Variants in PCDH7 observed in about 807,000 individuals in gnomAD.
PCDH7 encodes the protein protocadherin-7.
In PCDH7, 17 loss-of-function variants were observed where a neutral mutation model predicts 58.9. The observed-to-expected ratio is 0.29, with a 90% CI of 0.20 to 0.43. PCDH7 has a LOEUF of 0.43. PCDH7 is among the 20% of genes least tolerant of loss of function. The pLI is 1.00. For synonymous variants in PCDH7, 664 were observed against 616.4 expected (o/e 1.08, Z -1.14); for missense variants, 1,274 against 1,441.0 (o/e 0.88, Z 1.88).
At chr4:31,135,428 T>C (rs1292041128) in intron 3 of PCDH7, among the ~76,000 whole-genome samples, 2 of 152,218 alleles carry the variant, frequency 1.3e-5, no homozygotes, top group Non-Finnish European at 2.9e-5. Context: ...AGTAGGAGGA[T>C]GCCTAATGTG....
chr4:31,004,295 A>C (rs551394640), intron 3 of PCDH7, among the ~76,000 whole-genome samples: 2 of 152,334 alleles, frequency 1.3e-5, no homozygotes, highest in South Asian at 4.1e-4. Context: ...GCCTGAAAAA[A>C]AGTCACAGGA....
Position 30,837,263 on chromosome 4 carries a change from T to G in PCDH7, c.71-82890T>G, listed in dbSNP as rs117597852. Among the ~76,000 whole-genome samples, 242 of 152,206 alleles carry G rather than the reference T, an allele frequency of 1.6e-3. 4 individuals are homozygous for G. The East Asian group carries it at 0.036, about 23-fold the overall frequency. ...GTTCCTGCTGGCCACCTGCAGTGTG[T>G]GGTAATGCCCTTTTAACGTTCTATC... On this transcript the variant is annotated intron_variant, in intron 1 of 3. Coordinates refer to the PCDH7 transcript ENST00000509759.
intron 1 of PCDH7, among the ~76,000 whole-genome samples, chr4:30,856,497 G>A (rs1359313312): frequency 6.6e-6 from 1 of 151,988 alleles, no homozygotes; most frequent in Non-Finnish European, 1.5e-5. Context: ...AAGCTTAGAA[G>A]TCAGATATTA....
chr4:30,844,560 G>A (rs1299643479), intron 1 of PCDH7, among the ~76,000 whole-genome samples: 1 of 152,054 alleles, frequency 6.6e-6, no homozygotes, highest in Admixed American at 6.6e-5. Context: ...CATTTCTAAG[G>A]TAGGTACAGA....
chr4:30,832,934 T>A (rs1183548630), intron 1 of PCDH7, among the ~76,000 whole-genome samples: 1 of 152,176 alleles, frequency 6.6e-6, no homozygotes, highest in Non-Finnish European at 1.5e-5. Flanking sequence ...GAAGGCAGGC[T>A]AATTGCACTT....
At chr4:30,974,228 CT>C (rs1452732994) in intron 3 of PCDH7, among the ~76,000 whole-genome samples, 1 of 101,190 alleles carries the variant, frequency 9.9e-6, no homozygotes, top group Non-Finnish European at 1.9e-5. Context: ...CTCTTTCTTT[CT>C]TTCTTTTTCT....
intron 3 of PCDH7, among the ~76,000 whole-genome samples, chr4:31,110,165 G>A (rs1459514094): frequency 1.3e-5 from 2 of 152,090 alleles, no homozygotes; most frequent in Non-Finnish European, 2.9e-5. Flanking sequence ...CCAGTTTTCC[G>A]CTGAGGAAAT....
downstream of PCDH7, among the ~76,000 whole-genome samples, chr4:30,736,530 CA>C: frequency 7.1e-6 from 1 of 141,178 alleles, no homozygotes; most frequent in African/African-American, 2.7e-5. Context: ...TATTTATTTT[CA>C]TTTATTTTTT....
intron 3 of PCDH7, among the ~76,000 whole-genome samples, chr4:30,954,922 A>G (rs543755108): frequency 6.6e-6 from 1 of 152,130 alleles, no homozygotes; most frequent in Non-Finnish European, 1.5e-5. Flanking sequence ...TAGTGATAAC[A>G]TGTGTTGACT....
intron 3 of PCDH7, among the ~76,000 whole-genome samples, chr4:30,959,309 C>A (rs1748163461): frequency 6.6e-6 from 1 of 150,422 alleles, no homozygotes; most frequent in Non-Finnish European, 1.5e-5. Flanking sequence ...GTAGTTTGCT[C>A]TAAGGAAATA....
At chr4:31,038,834 T>C (rs1023567842) in intron 3 of PCDH7, among the ~76,000 whole-genome samples, 27 of 152,300 alleles carry the variant, frequency 1.8e-4, no homozygotes, top group Admixed American at 5.9e-4. Context: ...TACCTACACT[T>C]TCTTGCAGCA....
At chr4:30,921,504 C>T (rs1743187667) in intron 2 of PCDH7, among the ~76,000 whole-genome samples, 1 of 151,934 alleles carries the variant, frequency 6.6e-6, no homozygotes, top group Admixed American at 6.6e-5. Flanking sequence ...TTATAAAGGA[C>T]CCCAAATGAA....
intron 3 of PCDH7, among the ~76,000 whole-genome samples, chr4:31,052,397 C>T (rs1470479799): frequency 6.6e-6 from 1 of 152,124 alleles, no homozygotes; most frequent in Non-Finnish European, 1.5e-5. Flanking sequence ...CAAGAACTTA[C>T]AGATTCTTGG....
chr4:30,766,660 TA>T (rs1720792369), intron 1 of PCDH7, among the ~76,000 whole-genome samples: 1 of 151,880 alleles, frequency 6.6e-6, no homozygotes, highest in Non-Finnish European at 1.5e-5. Flanking sequence ...TATATATATA[TA>T]TATATGTTTA....
chr4:30,763,325 A>G (rs191187227), intron 1 of PCDH7, among the ~76,000 whole-genome samples: 2 of 152,360 alleles, frequency 1.3e-5, no homozygotes, highest in African/African-American at 4.8e-5. Context: ...TCAATGAGTA[A>G]GATTTCTCAG....
intron 3 of PCDH7, among the ~76,000 whole-genome samples, chr4:31,104,723 A>G (rs1026939143): frequency 2.6e-5 from 4 of 152,176 alleles, no homozygotes; most frequent in Non-Finnish European, 5.9e-5. Flanking sequence ...TACAAACAGC[A>G]TCTGAATTAC....
intron 3 of PCDH7, among the ~76,000 whole-genome samples, chr4:31,099,473 C>G (rs1714610869): frequency 6.6e-6 from 1 of 152,190 alleles, no homozygotes; most frequent in Non-Finnish European, 1.5e-5. Context: ...ATGCAAGATT[C>G]ATGTTAGGGA....
At chr4:30,973,394 C>A (rs571296698) in intron 3 of PCDH7, among the ~76,000 whole-genome samples, 2 of 152,092 alleles carry the variant, frequency 1.3e-5, no homozygotes, top group African/African-American at 2.4e-5. Flanking sequence ...AATCATAGCA[C>A]CCTTTGATTG....
At chr4:31,120,776 A>T (rs984779264) in intron 3 of PCDH7, among the ~76,000 whole-genome samples, 2 of 152,152 alleles carry the variant, frequency 1.3e-5, no homozygotes, top group African/African-American at 4.8e-5. Flanking sequence ...AGTTTAGCCA[A>T]ATCCTTTTAC....
Sources: gnomAD v4.1 joint callset for allele counts (sites outside exome capture counted in the v4.1 genomes callset) on GRCh38, gnomAD v4.1.1 for gene constraint, MANE v1.5 for transcripts, NCBI Gene and HGNC (gene_info 2026-07-23, HGNC 2026-07-21) for gene names.